Variants in KIAA1217 observed in about 807,000 individuals in gnomAD.
The protein encoded by KIAA1217 is KIAA1217.
A neutral mutation model predicts 163.9 loss-of-function variants in KIAA1217; 88 were observed. The observed-to-expected ratio is 0.54, with a 90% CI of 0.45 to 0.64. KIAA1217 has a LOEUF of 0.64. Among genes scored for constraint, KIAA1217 ranks in the 30% least tolerant of loss-of-function variants. The pLI is 0.00. For missense variants in KIAA1217, 2,372 were observed against 2,475.0 expected (o/e 0.96, Z 0.88); for synonymous variants, 903 against 923.1 (o/e 0.98, Z 0.39).
intron 2 of KIAA1217, among the ~76,000 whole-genome samples, chr10:24,050,368 G>A (rs191794841): frequency 5.8e-4 from 88 of 152,300 alleles, no homozygotes; most frequent in African/African-American, 2.0e-3. Flanking sequence ...TTTTAGTCAT[G>A]AAGTCTTTGC....
intron 3 of KIAA1217, among the ~76,000 whole-genome samples, chr10:24,425,070 T>C (rs977247471): frequency 1.4e-4 from 22 of 152,214 alleles, no homozygotes; most frequent in Non-Finnish European, 2.9e-4. Context: ...GAGCAGCCCT[T>C]GGCTTATTTC....
chr10:23,964,566 G>A (rs1348056867), intron 1 of KIAA1217, among the ~76,000 whole-genome samples: 1 of 151,612 alleles, frequency 6.6e-6, no homozygotes, highest in East Asian at 1.9e-4. Context: ...CTATGTAACA[G>A]TTGAATTTTT....
chr10:24,180,220 G>A (rs1035232302), intron 2 of KIAA1217, among the ~76,000 whole-genome samples: 2 of 151,344 alleles, frequency 1.3e-5, no homozygotes, highest in African/African-American at 4.9e-5. Flanking sequence ...TTAACTTTGA[G>A]GACCTCTACA....
intron 3 of KIAA1217, among the ~76,000 whole-genome samples, chr10:24,396,998 G>A (rs2055855729): frequency 6.6e-6 from 1 of 152,108 alleles, no homozygotes; most frequent in South Asian, 2.1e-4. Context: ...TTAGCAGAGT[G>A]AGCAGGGAAA....
chr10:24,018,113 G>T (rs1192670430), intron 2 of KIAA1217, among the ~76,000 whole-genome samples: 2 of 151,888 alleles, frequency 1.3e-5, no homozygotes, highest in African/African-American at 4.8e-5. Context: ...CTGGAAGAAT[G>T]CACCTTAAAC....
chr10:24,432,029 T>C (rs1221255071), intron 3 of KIAA1217, among the ~76,000 whole-genome samples: 1 of 152,104 alleles, frequency 6.6e-6, no homozygotes, highest in Non-Finnish European at 1.5e-5. Context: ...CTATAATGAT[T>C]GTGTTCCTAG....
At chr10:24,478,505 T>C (rs1246994708) in intron 6 of KIAA1217, among the ~76,000 whole-genome samples, 1 of 152,190 alleles carries the variant, frequency 6.6e-6, no homozygotes, top group Non-Finnish European at 1.5e-5. Flanking sequence ...TGGGGTACAG[T>C]GACAGATCAT....
At chr10:24,542,822 G>A (rs764050749) in intron 18 of KIAA1217, 52 bp downstream of exon 18, 7 of 1,611,058 alleles carry the variant, frequency 4.3e-6, no homozygotes, top group Non-Finnish European at 3.4e-6. Flanking sequence ...TTAAGTACCT[G>A]CCTCTGCAGA....
chr10:23,809,449 C>T (rs1836887586), intron 1 of KIAA1217, among the ~76,000 whole-genome samples: 1 of 150,656 alleles, frequency 6.6e-6, no homozygotes, highest in African/African-American at 2.4e-5. Flanking sequence ...TAAAATATAG[C>T]ATAGAAAATA....
At chr10:24,284,050 T>C (rs220361) in intron 2 of KIAA1217, among the ~76,000 whole-genome samples, 76,050 of 151,552 alleles carry the variant, frequency 0.5, 19,925 homozygotes, top group African/African-American at 0.59. Flanking sequence ...GCAGGAACTA[T>C]AGGCACAGGT....
chr10:23,851,038 G>C (rs2131095829), intron 1 of KIAA1217, among the ~76,000 whole-genome samples: 1 of 152,096 alleles, frequency 6.6e-6, no homozygotes, highest in South Asian at 2.1e-4. Flanking sequence ...TATACTTTAA[G>C]TTTTAGGGTA....
intron 2 of KIAA1217, among the ~76,000 whole-genome samples, chr10:24,225,065 T>G (rs1475422308): frequency 6.6e-6 from 1 of 152,144 alleles, no homozygotes; most frequent in African/African-American, 2.4e-5. Flanking sequence ...GACATTGTGA[T>G]CTGCCCGCCT....
At chr10:24,474,494 T>C (rs911213786) in intron 6 of KIAA1217, among the ~76,000 whole-genome samples, 1 of 152,262 alleles carries the variant, frequency 6.6e-6, no homozygotes, top group Non-Finnish European at 1.5e-5. Context: ...CAGTTTGTGT[T>C]TTTCCTTGTG....
intron 9 of KIAA1217, among the ~76,000 whole-genome samples, chr10:24,501,922 CTA>C (rs2067676692): frequency 6.6e-6 from 1 of 151,614 alleles, no homozygotes; most frequent in East Asian, 2.0e-4. Context: ...CTAATTTTTT[CTA>C]TGTTTTAGTA....
At chr10:24,454,886 C>T (rs2061649657) in intron 5 of KIAA1217, among the ~76,000 whole-genome samples, 1 of 151,640 alleles carries the variant, frequency 6.6e-6, no homozygotes, top group African/African-American at 2.4e-5. Flanking sequence ...ATCTGCTCCA[C>T]TGCAACACAA....
At position 23,861,152 on chromosome 10, in the gene KIAA1217, A is replaced by G. The variant is rs1197586827; in HGVS notation, c.-320-146073A>G. ...GGTCTCAAACTCCTGGGTTCAAACA[A>G]TCTGCCCACTCTGGACTCCCAAAAT... is the stretch of plus-strand genomic sequence containing the variant. On this transcript the variant is annotated intron_variant, in intron 1 of 18. Transcript: ENST00000376462. Among the ~76,000 whole-genome samples, 3 of 152,126 alleles carry G rather than the reference A, an allele frequency of 2.0e-5. No homozygotes were observed. The East Asian group carries it at 5.8e-4, about 30-fold the overall frequency.
At chr10:24,258,780 A>C (rs953339774) in intron 2 of KIAA1217, among the ~76,000 whole-genome samples, 2 of 151,826 alleles carry the variant, frequency 1.3e-5, no homozygotes, top group Non-Finnish European at 2.9e-5. Flanking sequence ...TTTTTAGTAG[A>C]GACGGGGTTT....
chr10:24,397,688 A>C (rs2055993360), intron 3 of KIAA1217, among the ~76,000 whole-genome samples: 1 of 152,208 alleles, frequency 6.6e-6, no homozygotes, highest in Non-Finnish European at 1.5e-5. Context: ...GTCTCTTATG[A>C]GAGCAGTGAC....
chr10:24,227,492 CA>C (rs2070747896), intron 2 of KIAA1217, among the ~76,000 whole-genome samples: 1 of 150,404 alleles, frequency 6.6e-6, no homozygotes, highest in East Asian at 2.0e-4. Flanking sequence ...TTACAGGGGG[CA>C]AAAATAAGGA....
Sources: allele counts gnomAD v4.1 joint callset (sites outside exome capture counted in the v4.1 genomes callset), GRCh38; gene constraint gnomAD v4.1.1; transcripts MANE v1.5; gene names NCBI Gene and HGNC (gene_info 2026-07-23, HGNC 2026-07-21).